Variants in HERC2 observed in about 807,000 individuals in gnomAD.
HERC2 encodes the protein HECT and RLD domain containing E3 ubiquitin protein ligase 2.
HERC2 carries 102 observed loss-of-function variants against 537.7 expected under a neutral mutation model. The observed-to-expected ratio is 0.19, with a 90% CI of 0.16 to 0.22. HERC2 has a LOEUF of 0.22. HERC2 is among the 10% of genes least tolerant of loss of function. The probability of loss-of-function intolerance (pLI) is 1.00; values close to 1 mark genes in which losing one functional copy is unlikely to be tolerated. For missense variants in HERC2, 4,236 were observed against 6,198.2 expected, an observed-to-expected ratio of 0.68 and a Z score of 10.63; for synonymous variants, 2,224 against 2,466.2, an observed-to-expected ratio of 0.90 and a Z score of 2.91.
rs1419045627 is a variant in HERC2 at position 28,178,917 on chromosome 15, A to T, written c.9133T>A (p.Tyr3045Asn). The T allele has an allele frequency of 1.2e-6, 2 of 1,614,094 alleles. No individual in the cohort carries two copies. Among genetic ancestry groups the T allele is most frequent in the Non-Finnish European group, 1.7e-6 (2 of 1,180,024 alleles). ...TGAACAGCCACCTTCTTGACCACGT[A>T]GCTGCTGAGAGCTGTGATCTGCCGT... ...IPRQITALSS[Y>N]VVKKVAVHSG... Residue 3045 changes from tyrosine to asparagine, a missense_variant, in exon 59 of 93, where the codon TAC (tyrosine) becomes AAC (asparagine). By Grantham distance (143) the Tyr-to-Asn change is moderately radical. Around this residue, in one of 27 missense-constraint regions of HERC2, gnomAD observed 606 missense variants for 884.5 expected, o/e 0.69. Transcript: ENST00000261609.
At position 28,113,695 on chromosome 15, in the gene HERC2, A is replaced by G; in HGVS notation, c.13914-17T>C. On this transcript the variant is annotated splice_polypyrimidine_tract_variant and intron_variant, in intron 90 of 92. Transcript: ENST00000261609. This position sits in a 1 kb window ranked among gnomAD's most constrained non-coding sequence, Gnocchi z 7.0. ...TCATGGAGTCTGGAAGAAAAAGCTC[A>G]CTTTACACTTCTGTCTTCAGTGACA... is the stretch of plus-strand genomic sequence containing the variant. 1.9e-6 allele frequency: 3 copies of G among 1,597,946 alleles called. No individual in the cohort carries two copies. The highest frequency in any genetic ancestry group is 2.6e-6 in the Non-Finnish European group (3 of 1,165,756).
chr15:28,280,980 C>T (rs2141055272), intron 4 of HERC2, among the ~76,000 whole-genome samples: 1 of 152,098 alleles, frequency 6.6e-6, no homozygotes, highest in Non-Finnish European at 1.5e-5. Flanking sequence ...AGCACATCTC[C>T]TAAACAGAGA....
chr15:28,116,537 T>A, intron 88 of HERC2, 128 bp downstream of exon 88: 5 of 1,006,760 alleles, frequency 5.0e-6, no homozygotes, highest in Non-Finnish European at 7.2e-6. Context: ...TTTTTATTGG[T>A]AACAGTCTCA....
chr15:28,316,237 A>G (rs1163473989), intron 2 of HERC2, among the ~76,000 whole-genome samples: 1 of 151,134 alleles, frequency 6.6e-6, no homozygotes, highest in African/African-American at 2.4e-5. Context: ...AAAAAAAAAA[A>G]AAAAAAAAAA....
At position 28,260,967 on chromosome 15, in the gene HERC2, T is replaced by C. The variant is rs762697824; in HGVS notation, c.2126A>G (p.Lys709Arg). Residue 709 changes from lysine to arginine, a missense_variant, in exon 16 of 93, where the codon AAG becomes AGG. By Grantham distance (26) the Lys-to-Arg change is conservative. Around this residue, in one of 27 missense-constraint regions of HERC2, gnomAD observed 754 missense variants for 1,085.0 expected, o/e 0.69. Transcript: ENST00000261609. Reference protein sequence around the residue: ...YPKLLEGLQGKKVIDVAAGST... With the variant: ...YPKLLEGLQGRKVIDVAAGST... ...GCCTGCAGCCACATCAATCACCTTC[T>C]TCCCTACAAGGGAAGAGGGATGCAG... The C allele has an allele frequency of 3.7e-6, 6 of 1,612,792 alleles. No homozygotes were observed. The highest frequency in any genetic ancestry group is 1.7e-5 in the Admixed American group (1 of 59,952).
chr15:28,157,791 T>C (rs2142390251), intron 69 of HERC2, among the ~76,000 whole-genome samples: 1 of 152,352 alleles, frequency 6.6e-6, no homozygotes, highest in Admixed American at 6.5e-5. Context: ...AGCTTCTGAA[T>C]GTGTTTGCTC....
chr15:28,210,857 A>C lies in HERC2; in HGVS notation c.7069+145T>G, dbSNP rs576158259. 8.6e-4 allele frequency: 626 copies of C among 728,480 alleles called. 1 individual carries two copies. In the African/African-American group the frequency reaches 9.8e-3, roughly 11 times the overall value. The allele number at this position is 728,480 out of a possible 1,614,324, so 45.1% of individuals were successfully genotyped here. A position where few individuals can be genotyped will look rare whatever the true frequency, so the allele number is the denominator to read the frequency against. Reference sequence around the variant, plus strand: ...AGATGACGATGACAATTTTATTCACAGTTGGTGGTTGCTGGGCAGGCCACA... The same window carrying C: ...AGATGACGATGACAATTTTATTCACCGTTGGTGGTTGCTGGGCAGGCCACA... On this transcript the variant is annotated intron_variant, in intron 44 of 92. Coordinates refer to ENST00000261609, the MANE Select transcript of HERC2 (RefSeq NM_004667.6).
chr15:28,221,910 G>A, intron 36 of HERC2, 118 bp downstream of exon 36: 1 of 900,438 alleles, frequency 1.1e-6, no homozygotes, highest in Non-Finnish European at 1.8e-6. Context: ...CAACACCTGT[G>A]TCATCAATCA....
intron 4 of HERC2, among the ~76,000 whole-genome samples, chr15:28,287,719 C>CTTTTTTTTTTTT (rs766216433): frequency 2.4e-5 from 3 of 124,820 alleles, no homozygotes; most frequent in African/African-American, 6.8e-5. Context: ...ACTTATTCCT[C>CTTTTTTTTTTTT]TTTTTTTTTT....
At chr15:28,321,106 A>G (rs1360485797) in intron 2 of HERC2, among the ~76,000 whole-genome samples, 6 of 152,184 alleles carry the variant, frequency 3.9e-5, no homozygotes, top group Non-Finnish European at 7.3e-5. Context: ...GTAATAATAA[A>G]TAGGAAAAAA....
chr15:28,246,162 TAAG>T lies in HERC2; in HGVS notation c.3392-99_3392-97del. 1.6e-5 allele frequency: 12 copies of T among 747,932 alleles called. No homozygotes were observed. The South Asian group carries it at 2.5e-4, about 16-fold the overall frequency. 46.3% of individuals were successfully genotyped at this position (747,932 alleles called of 1,614,324 possible). On this transcript the variant is annotated intron_variant, in intron 22 of 92. Transcript: ENST00000261609. Reference sequence around the variant, plus strand: ...GTTTAAATTCTGCTAAGTCACAAAATAAGAAATGTTTGTCCTTTAGCATATTTC... The same window carrying T: ...GTTTAAATTCTGCTAAGTCACAAAATAAATGTTTGTCCTTTAGCATATTTC...
At chr15:28,259,149 C>G (rs1193416452) in intron 16 of HERC2, among the ~76,000 whole-genome samples, 1 of 152,156 alleles carries the variant, frequency 6.6e-6, no homozygotes, top group Non-Finnish European at 1.5e-5. Context: ...AGCTGGAGTG[C>G]AATGGCGCCA....
At chr15:28,114,490 GT>G in intron 90 of HERC2, 121 bp downstream of exon 90, 3 of 824,202 alleles carry the variant, frequency 3.6e-6, no homozygotes, top group Non-Finnish European at 3.9e-6. Flanking sequence ...ATCAGCAATA[GT>G]TGGAGCCAAA....
rs1319009134 is a variant in HERC2 at position 28,176,976 on chromosome 15, T to C, written c.9406A>G (p.Asn3136Asp). The C allele has an allele frequency of 6.2e-7, 1 of 1,613,928 alleles. No individual in the cohort carries two copies. The highest frequency in any genetic ancestry group is 1.1e-5 in the South Asian group (1 of 91,072). ...ATTTTGGGCTTTAGCTGTGTCGTAT[T>C]ATCCCCATGTCCCAGCCGGCCGTAC... ...GEYGRLGHGDNTTQLKPKMVK... is the reference protein window; with the variant it reads ...GEYGRLGHGDDTTQLKPKMVK... The change falls in exon 61 of 93, where the codon AAT becomes GAT. Residue 3136 changes from asparagine to aspartate, a missense_variant. Transcript: ENST00000261609. This position sits in a 1 kb window ranked among gnomAD's most constrained non-coding sequence, Gnocchi z 5.0.
rs1404007326 is a variant in HERC2, at chr15:28,253,791, G to A, written c.3050+549C>T. Among the ~76,000 whole-genome samples the A allele has an allele frequency of 7.2e-5, 11 of 151,742 alleles. No individual in the cohort carries two copies. The South Asian group carries it at 1.9e-3, about 26-fold the overall frequency. On this transcript the variant is annotated intron_variant, in intron 20 of 92. Transcript: ENST00000261609. Reference sequence around the variant, plus strand: ...AGCCTGACCAATATTTTGAAACCCCGTCTCTACTAAAAATACAAAAATCAG... The same window carrying A: ...AGCCTGACCAATATTTTGAAACCCCATCTCTACTAAAAATACAAAAATCAG...
At chr15:28,276,387 G>A (rs901130402) in intron 5 of HERC2, among the ~76,000 whole-genome samples, 1 of 152,026 alleles carries the variant, frequency 6.6e-6, no homozygotes, top group East Asian at 1.9e-4. Context: ...CTGGGTACCT[G>A]GAAGATGGAA....
Position 28,168,585 on chromosome 15 carries a change from G to A in HERC2, c.10235C>T (p.Ala3412Val). Reference sequence around the variant, plus strand: ...GGCCGGCATCAGGGCCCCGACAACAGCATCTCTGTCAGGACACAAAGCCAG... The same window carrying A: ...GGCCGGCATCAGGGCCCCGACAACAACATCTCTGTCAGGACACAAAGCCAG... ...TALQIMYARD[A>V]VVGALMPAAM... The change falls in exon 67 of 93, where the codon GCT (alanine) becomes GTT (valine). Residue 3412 changes from alanine (A) to valine (V), a missense_variant. Around this residue, in one of 27 missense-constraint regions of HERC2, gnomAD observed 356 missense variants for 450.9 expected, o/e 0.79. Coordinates refer to ENST00000261609, the MANE Select transcript of HERC2 (RefSeq NM_004667.6). 1 of 1,613,364 alleles carries A rather than the reference G, an allele frequency of 6.2e-7. No individual in the cohort carries two copies. Among genetic ancestry groups the A allele is most frequent in the Non-Finnish European group, 8.5e-7 (1 of 1,179,620 alleles).
intron 3 of HERC2, among the ~76,000 whole-genome samples, chr15:28,295,950 G>C (rs2076457789): frequency 6.6e-6 from 1 of 151,882 alleles, no homozygotes; most frequent in South Asian, 2.1e-4. Context: ...TTTACAGAAA[G>C]TAGGCCACCC....
At chr15:28,266,439 T>C (rs2140960131) in intron 12 of HERC2, among the ~76,000 whole-genome samples, 1 of 152,174 alleles carries the variant, frequency 6.6e-6, no homozygotes, top group South Asian at 2.1e-4. Context: ...CGCTTGAACC[T>C]GGGAGGAGGA....
Sources: gnomAD v4.1 joint callset for allele counts (sites outside exome capture counted in the v4.1 genomes callset) on GRCh38, gnomAD v4.1.1 for gene constraint, gnomAD v4.1.1 regional missense constraint, Gnocchi (gnomAD v3.1) non-coding constraint, MANE v1.5 for transcripts, NCBI Gene and HGNC (gene_info 2026-07-23, HGNC 2026-07-21) for gene names.